STX8: variants seen among roughly 807,000 people sequenced by gnomAD.
STX8 encodes syntaxin 8.
STX8 carries 23 observed loss-of-function variants against 37.5 expected under a neutral mutation model. That is an observed-to-expected ratio of 0.61 (90% CI 0.44 to 0.87). STX8 has a LOEUF of 0.87. Among genes scored for constraint, STX8 ranks in the 40% least tolerant of loss-of-function variants. STX8 has a pLI of 0.00. For synonymous variants in STX8, 115 were observed against 99.1 expected (o/e 1.16, Z -0.95); for missense variants, 313 against 284.7 (o/e 1.10, Z -0.71).
chr17:9,359,177 G>A (rs1910979562), intron 7 of STX8, among the ~76,000 whole-genome samples: 1 of 151,902 alleles, frequency 6.6e-6, no homozygotes, highest in South Asian at 2.1e-4. Context: ...CAAATAGCTG[G>A]GATTACAGGC....
chr17:9,333,466 C>T (rs573102555), intron 7 of STX8, among the ~76,000 whole-genome samples: 1 of 152,200 alleles, frequency 6.6e-6, no homozygotes, highest in Non-Finnish European at 1.5e-5. Flanking sequence ...CGGCTCACTG[C>T]AAGCTCCGCC....
chr17:9,377,277 G>GT lies in STX8; in HGVS notation c.643+1274dup, dbSNP rs963423587. The stretch of plus-strand genomic sequence containing the variant: ...GCAAAGTATGTTCTCAGATCTCTAG[G>GT]TTTTTTTTAAATTGCTTTTGTAATT... On this transcript the variant is annotated intron_variant, in intron 7 of 7. Coordinates refer to ENST00000306357, the MANE Select transcript of STX8 (RefSeq NM_004853.3). 3.3e-5 allele frequency among the ~76,000 whole-genome samples: 5 copies of GT among 151,540 alleles called. No homozygotes were observed. The East Asian group carries it at 7.7e-4, about 23-fold the overall frequency.
At chr17:9,264,438 G>A (rs1907157873) in intron 7 of STX8, among the ~76,000 whole-genome samples, 1 of 152,140 alleles carries the variant, frequency 6.6e-6, no homozygotes, top group African/African-American at 2.4e-5. Context: ...CTGAGAAGAT[G>A]GGACCACATG....
At chr17:9,476,759 C>G (rs1023021868) in intron 6 of STX8, among the ~76,000 whole-genome samples, 2 of 151,970 alleles carry the variant, frequency 1.3e-5, no homozygotes, top group Admixed American at 6.6e-5. Context: ...AGCCAGAGGT[C>G]ATTTCTTCTG....
At chr17:9,492,015 T>A (rs1347489234) in intron 5 of STX8, 94 bp from the exon 6 acceptor site, 2 of 812,842 alleles carry the variant, frequency 2.5e-6, no homozygotes, top group East Asian at 5.3e-5. Flanking sequence ...AGTTGACATA[T>A]AAATCAGTCA....
At position 9,290,429 on chromosome 17, in the gene STX8, A is replaced by G. The variant is rs945800352; in HGVS notation, c.644-39784T>C. Among the ~76,000 whole-genome samples the G allele has an allele frequency of 2.0e-5, 3 of 152,196 alleles. No homozygotes were observed. In the East Asian group the frequency reaches 5.8e-4, roughly 29 times the overall value. On this transcript the variant is annotated intron_variant, in intron 7 of 7. Coordinates refer to ENST00000306357, the MANE Select transcript of STX8 (RefSeq NM_004853.3). ...TAGAGACAGAAGAGAACACACATTC[A>G]TTACACTCTCCTCTTGGCTGCTCAG...
chr17:9,561,519 C>T lies in STX8; in HGVS notation c.118-3991G>A, dbSNP rs539993203. On this transcript the variant is annotated intron_variant, in intron 2 of 7. Coordinates refer to ENST00000306357, the MANE Select transcript of STX8 (RefSeq NM_004853.3). ...ACTAAAAATACAATAATTAGCCAGG[C>T]GTGGTGGCGGGTGCCTGTAATCCCA... Among the ~76,000 whole-genome samples, 6 of 151,844 alleles carry T rather than the reference C, an allele frequency of 4.0e-5. No homozygotes were observed. In the South Asian group the frequency reaches 6.3e-4, roughly 16 times the overall value.
At chr17:9,481,851 A>G (rs544865901) in intron 6 of STX8, among the ~76,000 whole-genome samples, 4 of 152,136 alleles carry the variant, frequency 2.6e-5, no homozygotes, top group African/African-American at 9.6e-5. Flanking sequence ...TAGGTTGCAC[A>G]CTCCTTACGA....
At chr17:9,434,907 T>C (rs976721144) in intron 6 of STX8, among the ~76,000 whole-genome samples, 3 of 152,228 alleles carry the variant, frequency 2.0e-5, no homozygotes, top group African/African-American at 4.8e-5. Context: ...TCCCATGGCA[T>C]GTTGCCACGG....
At chr17:9,541,039 C>T (rs1906257103) in intron 4 of STX8, among the ~76,000 whole-genome samples, 1 of 152,110 alleles carries the variant, frequency 6.6e-6, no homozygotes, top group Non-Finnish European at 1.5e-5. Flanking sequence ...GTGGCAGGAC[C>T]CAAGAGGTCC....
intron 3 of STX8, chr17:9,547,288 GAT>G (rs1222393847): frequency 2.7e-5 from 4 of 148,650 alleles, no homozygotes; most frequent in African/African-American, 1.0e-4. Flanking sequence ...CACAGTAAAG[GAT>G]ATGTTTGGAA....
rs140944548 is a variant in STX8 at position 9,254,637 on chromosome 17, T to C, written c.644-3992A>G. ...TCTCGAACTCCTGACCTCAAGTGAT[T>C]TGCCCTCCTGGGCCTCCCAAAGTGC... On this transcript the variant is annotated intron_variant, in intron 7 of 7. Coordinates refer to ENST00000306357, the MANE Select transcript of STX8 (RefSeq NM_004853.3). Among the ~76,000 whole-genome samples the C allele has an allele frequency of 1.2e-4, 19 of 152,100 alleles. No individual in the cohort carries two copies. In the East Asian group the frequency reaches 3.7e-3, roughly 29 times the overall value.
chr17:9,417,710 C>T (rs113871803), intron 6 of STX8, among the ~76,000 whole-genome samples: 2,610 of 152,252 alleles, frequency 0.017, 84 homozygotes, highest in African/African-American at 0.059. Flanking sequence ...CCAAACCCAA[C>T]CTCTGAGGTG....
chr17:9,547,647 G>GAAAAC (rs1906595273), intron 3 of STX8, among the ~76,000 whole-genome samples: 2 of 93,466 alleles, frequency 2.1e-5, no homozygotes, highest in African/African-American at 7.9e-5. Context: ...AAAGAAAAAA[G>GAAAAC]AAAAGAAAAG....
chr17:9,304,929 G>GTA (rs373766283), intron 7 of STX8, among the ~76,000 whole-genome samples: 3,039 of 96,128 alleles, frequency 0.032, 58 homozygotes, highest in African/African-American at 0.085. Context: ...AAAAAAATAT[G>GTA]TATATATATA....
intron 7 of STX8, among the ~76,000 whole-genome samples, chr17:9,278,057 A>G (rs992722974): frequency 6.6e-6 from 1 of 152,168 alleles, no homozygotes; most frequent in Non-Finnish European, 1.5e-5. Context: ...TCCAGGTCCA[A>G]GTAAAGCCAA....
intron 7 of STX8, among the ~76,000 whole-genome samples, chr17:9,282,452 A>G (rs1417139562): frequency 6.6e-6 from 1 of 152,158 alleles, no homozygotes; most frequent in Admixed American, 6.6e-5. Flanking sequence ...TTTTCTTACT[A>G]TAATCCCTCC....
At chr17:9,353,631 A>C (rs1347144893) in intron 7 of STX8, among the ~76,000 whole-genome samples, 1 of 152,222 alleles carries the variant, frequency 6.6e-6, no homozygotes, top group Non-Finnish European at 1.5e-5. Flanking sequence ...CACAAAGCAG[A>C]TCCAGAATTA....
chr17:9,259,866 G>A (rs149633712), intron 7 of STX8, among the ~76,000 whole-genome samples: 6 of 152,238 alleles, frequency 3.9e-5, no homozygotes, highest in Non-Finnish European at 4.4e-5. Flanking sequence ...GCCCCTAGGG[G>A]AGCCTGTGCG....
Sources: gnomAD v4.1 joint callset for allele counts (sites outside exome capture counted in the v4.1 genomes callset) on GRCh38, gnomAD v4.1.1 for gene constraint, MANE v1.5 for transcripts, NCBI Gene and HGNC (gene_info 2026-07-23, HGNC 2026-07-21) for gene names.